Variants in GRIP1 observed in about 807,000 individuals in gnomAD.
The protein encoded by GRIP1 is glutamate receptor interacting protein 1.
GRIP1 carries 45 observed loss-of-function variants against 129.9 expected under a neutral mutation model. That is an observed-to-expected ratio of 0.35 (90% CI 0.27 to 0.44). The LOEUF (loss-of-function observed/expected upper bound fraction) is 0.44, where lower values mean the gene tolerates loss of function less well. Among genes scored for constraint, GRIP1 ranks in the 20% least tolerant of loss-of-function variants. GRIP1 has a pLI of 1.00. For missense variants in GRIP1, 1,196 were observed against 1,396.8 expected, an observed-to-expected ratio of 0.86 and a Z score of 2.29; for synonymous variants, 530 against 520.8, an observed-to-expected ratio of 1.02 and a Z score of -0.24.
intron 1 of GRIP1, among the ~76,000 whole-genome samples, chr12:66,889,989 G>T (rs780454655): frequency 6.6e-5 from 10 of 152,106 alleles, no homozygotes; most frequent in Non-Finnish European, 1.3e-4. Context: ...GAGTGCAGTG[G>T]TGTAATCACG....
chr12:67,068,981 A>C, intron 1 of GRIP1: 1 of 711,112 alleles, frequency 1.4e-6, no homozygotes, highest in Non-Finnish European at 1.7e-6. Context: ...GGAGCCGGGG[A>C]GAGGGAGGCA....
intron 11 of GRIP1, 127 bp from the exon 12 acceptor site, chr12:66,445,635 TC>T (rs757112860): frequency 6.3e-6 from 4 of 633,156 alleles, no homozygotes; most frequent in Non-Finnish European, 1.1e-5. Flanking sequence ...AATTATGGCC[TC>T]TGGTTTAGCA....
At chr12:66,799,832 C>T (rs1239544989) in intron 1 of GRIP1, among the ~76,000 whole-genome samples, 1 of 152,142 alleles carries the variant, frequency 6.6e-6, no homozygotes, top group Non-Finnish European at 1.5e-5. Flanking sequence ...GAATAAATTA[C>T]TTATCTAATC....
At chr12:66,795,739 G>C (rs1008540623) in intron 1 of GRIP1, among the ~76,000 whole-genome samples, 1 of 152,088 alleles carries the variant, frequency 6.6e-6, no homozygotes, top group Admixed American at 6.6e-5. Flanking sequence ...GTGATGCTGT[G>C]GGCTGTAACC....
At chr12:67,001,592 C>T (rs1363605655) in intron 1 of GRIP1, among the ~76,000 whole-genome samples, 1 of 152,148 alleles carries the variant, frequency 6.6e-6, no homozygotes, top group South Asian at 2.1e-4. Flanking sequence ...TAAAGGCTCC[C>T]TCTGTGTTTT....
chr12:66,656,311 T>C (rs866144000), intron 1 of GRIP1, among the ~76,000 whole-genome samples: 7 of 152,162 alleles, frequency 4.6e-5, no homozygotes, highest in Non-Finnish European at 7.4e-5. Context: ...TTTTTTTCAA[T>C]AGAATAAATC....
At chr12:66,551,139 C>T (rs1298721654) in intron 2 of GRIP1, among the ~76,000 whole-genome samples, 1 of 152,232 alleles carries the variant, frequency 6.6e-6, no homozygotes, top group Non-Finnish European at 1.5e-5. Flanking sequence ...CTTACAACTA[C>T]TTATGGACTG....
At chr12:66,980,495 C>A (rs7297740) in intron 1 of GRIP1, among the ~76,000 whole-genome samples, 24,056 of 152,010 alleles carry the variant, frequency 0.16, 2,014 homozygotes, top group African/African-American at 0.19. Flanking sequence ...TCTGTAGTCC[C>A]AGCTACTTGG....
At chr12:66,402,315 AG>A (rs1431084469) in intron 16 of GRIP1, among the ~76,000 whole-genome samples, 1 of 152,222 alleles carries the variant, frequency 6.6e-6, no homozygotes, top group Non-Finnish European at 1.5e-5. Context: ...ATTTAAGGGC[AG>A]GATTGTGTCC....
In GRIP1 at chr12:66,451,383, G is replaced by GTTTTTTTTTTTTTTTTTTTTTTTTT. The variant is rs1169331519; in HGVS notation, c.1354+4001_1354+4025dup. Among the ~76,000 whole-genome samples the GTTTTTTTTTTTTTTTTTTTTTTTTT allele has an allele frequency of 1.4e-4, 6 of 42,656 alleles. 2 individuals carry two copies. The highest frequency in any genetic ancestry group is 2.1e-4 in the Non-Finnish European group (5 of 23,900). 28.0% of individuals were successfully genotyped at this position (42,656 alleles called of 152,430 possible). A position where few individuals can be genotyped will look rare whatever the true frequency, so the allele number is the denominator to read the frequency against. On this transcript the variant is annotated intron_variant, in intron 11 of 24. Coordinates refer to ENST00000359742, the MANE Select transcript of GRIP1 (RefSeq NM_001366722.1). ...CCCCAAAGATTTATTATTATAATCTGTTTTTTTTTTTTTTTTTTTTTTTTT... is the reference window on the plus strand; with the variant it reads ...CCCCAAAGATTTATTATTATAATCTGTTTTTTTTTTTTTTTTTTTTTTTTTTTTTTTTTTTTTTTTTTTTTTTTTT...
At chr12:66,928,820 T>C (rs1300037579) in intron 1 of GRIP1, among the ~76,000 whole-genome samples, 2 of 152,172 alleles carry the variant, frequency 1.3e-5, no homozygotes, top group African/African-American at 2.4e-5. Context: ...CCCAAACCCT[T>C]AGTGAAATTA....
chr12:67,059,124 G>A (rs1592528167), intron 1 of GRIP1, among the ~76,000 whole-genome samples: 1 of 152,190 alleles, frequency 6.6e-6, no homozygotes, highest in East Asian at 1.9e-4. Context: ...TCTGCAGAAG[G>A]TGACTAAGAC....
rs549105213 is a variant in GRIP1, at chr12:67,006,983, T to G, written c.58+62067A>C. ...TGGGAAATAAAACTACAGAACAAAA[T>G]CAATCATCATAAAAGCTTCTATAAC... On this transcript the variant is annotated intron_variant, in intron 1 of 1. Transcript: ENST00000643019. 1.1e-4 allele frequency among the ~76,000 whole-genome samples: 16 copies of G among 152,314 alleles called. No homozygotes were observed. In the South Asian group the frequency reaches 3.1e-3, roughly 30 times the overall value.
intron 1 of GRIP1, among the ~76,000 whole-genome samples, chr12:66,862,016 G>A (rs1161974838): frequency 6.6e-6 from 1 of 152,058 alleles, no homozygotes; most frequent in Non-Finnish European, 1.5e-5. Context: ...GTCTCATGCA[G>A]TCTTCAATTA....
intron 1 of GRIP1, among the ~76,000 whole-genome samples, chr12:66,955,344 A>C (rs2041822746): frequency 6.6e-6 from 1 of 152,106 alleles, no homozygotes; most frequent in Non-Finnish European, 1.5e-5. Flanking sequence ...TTTAAAAGAG[A>C]TAATCTCTGC....
intron 1 of GRIP1, among the ~76,000 whole-genome samples, chr12:66,837,374 AG>A (rs1245259982): frequency 2.6e-5 from 4 of 152,202 alleles, no homozygotes; most frequent in African/African-American, 9.6e-5. Flanking sequence ...GGGTGAGTCA[AG>A]AAGACTTCAG....
At chr12:66,758,753 G>A (rs1363301643) in intron 1 of GRIP1, among the ~76,000 whole-genome samples, 1 of 152,152 alleles carries the variant, frequency 6.6e-6, no homozygotes, top group African/African-American at 2.4e-5. Flanking sequence ...GCCCATGCAA[G>A]TCCAAAATCC....
rs559893701 is a variant in GRIP1, at chr12:66,523,594, A to G, written c.503-5618T>C. ...AAAAACATGCCAAAATGTAAAGACC[A>G]TCGAGACTAGGAAGAAACTGCATCA... is the stretch of plus-strand genomic sequence containing the variant. On this transcript the variant is annotated intron_variant, in intron 5 of 24. Transcript: ENST00000359742. Among the ~76,000 whole-genome samples the G allele has an allele frequency of 1.2e-3, 180 of 152,260 alleles. 1 individual carries two copies. Among genetic ancestry groups the G allele is most frequent in the African/African-American group, 4.0e-3 (167 of 41,520 alleles).
intron 16 of GRIP1, among the ~76,000 whole-genome samples, chr12:66,404,957 G>C (rs1257872111): frequency 6.6e-6 from 1 of 152,142 alleles, no homozygotes; most frequent in African/African-American, 2.4e-5. Context: ...GCTTGAACCT[G>C]GGAGGTGGAG....
Sources: allele counts gnomAD v4.1 joint callset (sites outside exome capture counted in the v4.1 genomes callset), GRCh38; gene constraint gnomAD v4.1.1; transcripts MANE v1.5; gene names NCBI Gene and HGNC (gene_info 2026-07-23, HGNC 2026-07-21).